ANKRD11: variants seen among roughly 807,000 people sequenced by gnomAD.
ANKRD11 encodes the protein ankyrin repeat domain 11.
In ANKRD11, 17 loss-of-function variants were observed where a neutral mutation model predicts 195.7. The observed-to-expected ratio is 0.09, with a 90% CI of 0.06 to 0.13. The LOEUF (loss-of-function observed/expected upper bound fraction) is 0.13. Ranked by LOEUF, ANKRD11 falls within the 10% of genes least tolerant of loss-of-function variation. The probability of loss-of-function intolerance (pLI) is 1.00; values close to 1 mark genes in which losing one functional copy is unlikely to be tolerated. For synonymous variants in ANKRD11, 1,953 were observed against 1,528.1 expected (o/e 1.28, Z -6.49); for missense variants, 3,735 against 3,566.1 (o/e 1.05, Z -1.21).
chr16:89,317,224 G>A (rs977764347), intron 2 of ANKRD11, 146 bp from the exon 3 acceptor site: 10 of 673,954 alleles, frequency 1.5e-5, no homozygotes, highest in Admixed American at 6.5e-5. Context: ...GCCCAGGAAG[G>A]GACTTCTCAG....
intron 1 of ANKRD11, among the ~76,000 whole-genome samples, chr16:89,480,549 T>G (rs902769520): frequency 6.6e-6 from 1 of 152,184 alleles, no homozygotes; most frequent in Non-Finnish European, 1.5e-5. Flanking sequence ...TATTAATATG[T>G]GCATAGAAGT....
rs1207036529 is a variant in ANKRD11, at chr16:89,267,734, A to T, written c.*744T>A. On this transcript the variant is annotated 3_prime_UTR_variant, in exon 13 of 13. Transcript: ENST00000301030. ...ATGTGTTGCAAAATAAATTATCTAG[A>T]AGGCAGCAAAAGTACATTGTGAAGG... The T allele has an allele frequency of 6.6e-6, 1 of 152,308 alleles. No homozygotes were observed. The highest frequency in any genetic ancestry group is 1.5e-5 in the Non-Finnish European group (1 of 68,050). The allele number at this position is 152,308 out of a possible 1,614,324, so 9.4% of individuals were successfully genotyped here.
intron 1 of ANKRD11, among the ~76,000 whole-genome samples, chr16:89,455,004 C>G (rs1416800435): frequency 1.1e-5 from 1 of 92,910 alleles, no homozygotes; most frequent in Admixed American, 1.1e-4. Flanking sequence ...TCAAGCTGCT[C>G]CCCTGGGTGC....
intron 4 of ANKRD11, chr16:89,297,987 C>G (rs1282765677): frequency 6.6e-6 from 1 of 151,954 alleles, no homozygotes; most frequent in East Asian, 1.9e-4. Context: ...CCAGCCCTTG[C>G]CTGCACAACC....
intron 1 of ANKRD11, among the ~76,000 whole-genome samples, chr16:89,471,370 G>C (rs777791707): frequency 9.9e-5 from 15 of 152,176 alleles, no homozygotes; most frequent in Admixed American, 3.3e-4. Flanking sequence ...AGGAATTCAC[G>C]AGACGGCAAG....
chr16:89,317,209 G>A lies in ANKRD11; in HGVS notation c.-59-131C>T, dbSNP rs138829458. ...TGCTCTGATCAGGGCTGGGGCCCGGGCCAGGCCCAGGAAGGGACTTCTCAG... is the reference window on the plus strand; with the variant it reads ...TGCTCTGATCAGGGCTGGGGCCCGGACCAGGCCCAGGAAGGGACTTCTCAG... On this transcript the variant is annotated intron_variant, in intron 2 of 12. Transcript: ENST00000301030. 1,464 of 717,598 alleles carry A rather than the reference G, an allele frequency of 2.0e-3. 14 individuals are homozygous for A. In the African/African-American group the frequency reaches 0.023, roughly 11 times the overall value. 44.5% of individuals were successfully genotyped at this position (717,598 alleles called of 1,614,324 possible). A position where few individuals can be genotyped will look rare whatever the true frequency, so the allele number is the denominator to read the frequency against.
At chr16:89,410,113 A>T (rs544515040) in intron 2 of ANKRD11, among the ~76,000 whole-genome samples, 3 of 152,274 alleles carry the variant, frequency 2.0e-5, no homozygotes, top group Admixed American at 2.0e-4. Context: ...TGCTGGGATT[A>T]CAGGCGTGAG....
intron 2 of ANKRD11, among the ~76,000 whole-genome samples, chr16:89,407,656 A>ATCAAACACACAT (rs2041959966): frequency 6.6e-6 from 1 of 151,750 alleles, no homozygotes; most frequent in South Asian, 2.1e-4. Context: ...CGCCGTCTCT[A>ATCAAACACACAT]TCAAACACAC....
intron 2 of ANKRD11, among the ~76,000 whole-genome samples, chr16:89,369,107 T>C (rs2040080189): frequency 1.3e-5 from 2 of 152,218 alleles, no homozygotes; most frequent in Middle Eastern, 3.4e-3. Flanking sequence ...TACCAAGCTC[T>C]GGCCTGACAA....
chr16:89,401,814 C>T (rs965167460), intron 2 of ANKRD11, among the ~76,000 whole-genome samples: 1 of 152,148 alleles, frequency 6.6e-6, no homozygotes, highest in African/African-American at 2.4e-5. Flanking sequence ...AAGAGGGAGG[C>T]GGAGATCGTG....
chr16:89,435,212 T>C (rs1418122364), intron 1 of ANKRD11, among the ~76,000 whole-genome samples: 1 of 152,118 alleles, frequency 6.6e-6, no homozygotes, highest in Non-Finnish European at 1.5e-5. Flanking sequence ...TGTGTCTAGC[T>C]AAAGGTTTAT....
chr16:89,433,877 A>C (rs1037261724), intron 1 of ANKRD11, among the ~76,000 whole-genome samples: 1 of 152,232 alleles, frequency 6.6e-6, no homozygotes, highest in Admixed American at 6.5e-5. Context: ...TCTCTGCCTC[A>C]GAATCCAAGA....
chr16:89,405,701 C>T lies in ANKRD11; in HGVS notation c.-60+12583G>A, dbSNP rs576843482. 3.3e-5 allele frequency among the ~76,000 whole-genome samples: 5 copies of T among 152,208 alleles called. No individual in the cohort carries two copies. In the East Asian group the frequency reaches 9.7e-4, roughly 29 times the overall value. ...AAGGCATGTTCTCACAGGGACAATT[C>T]AGGAAATGCACCAAAGCGTCCTCAA... On this transcript the variant is annotated intron_variant, in intron 2 of 12. Transcript: ENST00000301030.
At position 89,281,976 on chromosome 16, in the gene ANKRD11, G is replaced by A. The variant is rs1463597991; in HGVS notation, c.4566C>T (p.Gly1522=). 1.9e-6 allele frequency: 3 copies of A among 1,612,726 alleles called. No individual in the cohort carries two copies. The highest frequency in any genetic ancestry group is 2.7e-5 in the African/African-American group (2 of 75,014). Residue 1522 remains glycine, a synonymous_variant, in exon 9 of 13, where the codon GGC becomes GGT. Transcript: ENST00000301030. This position sits in a 1 kb window ranked among gnomAD's most constrained non-coding sequence, Gnocchi z 5.5. ...TCAGTTTGGCATCGCCGAGCCTCGGGCCCTCGTCCCTGGACTTGTCTTTGA... is the reference window on the plus strand; with the variant it reads ...TCAGTTTGGCATCGCCGAGCCTCGGACCCTCGTCCCTGGACTTGTCTTTGA... ...RVLKDKSRDE[G]PRLGDAKLKE... is the part of the protein sequence containing the mutation.
intron 1 of ANKRD11, among the ~76,000 whole-genome samples, chr16:89,464,333 G>A (rs2056807660): frequency 6.6e-6 from 1 of 152,052 alleles, no homozygotes; most frequent in Admixed American, 6.5e-5. Flanking sequence ...ATCTGGCAGA[G>A]CGTGGTGGCT....
chr16:89,432,034 C>G (rs2043000785), intron 1 of ANKRD11, among the ~76,000 whole-genome samples: 1 of 152,102 alleles, frequency 6.6e-6, no homozygotes, highest in Non-Finnish European at 1.5e-5. Flanking sequence ...ACTTCTAGTT[C>G]AAGAGTGTCT....
At chr16:89,295,669 C>T (rs1261364242) in intron 4 of ANKRD11, among the ~76,000 whole-genome samples, 1 of 151,820 alleles carries the variant, frequency 6.6e-6, no homozygotes, top group East Asian at 1.9e-4. Context: ...TCTGAGGCAG[C>T]AGAGACTGGA....
intron 2 of ANKRD11, among the ~76,000 whole-genome samples, chr16:89,376,886 A>G (rs1328687752): frequency 1.3e-5 from 2 of 152,246 alleles, no homozygotes; most frequent in East Asian, 3.8e-4. Flanking sequence ...GTGCAAATGC[A>G]GTAGGGTTTA....
intron 3 of ANKRD11, among the ~76,000 whole-genome samples, chr16:89,314,067 T>C (rs1444871210): frequency 2.0e-5 from 3 of 152,084 alleles, no homozygotes; most frequent in Middle Eastern, 3.4e-3. Flanking sequence ...CTACAAAAGA[T>C]ACAAAAATGA....
Sources: allele counts gnomAD v4.1 joint callset (sites outside exome capture counted in the v4.1 genomes callset), GRCh38; gene constraint gnomAD v4.1.1; non-coding constraint Gnocchi (gnomAD v3.1); transcripts MANE v1.5; gene names NCBI Gene and HGNC (gene_info 2026-07-23, HGNC 2026-07-21).